The following TBC1D22A variants were observed in gnomAD, a reference collection of about 807,000 sequenced individuals.
The protein encoded by TBC1D22A is putative GTPase activator.
A neutral mutation model predicts 60.2 loss-of-function variants in TBC1D22A; 38 were observed. The ratio of observed to expected loss-of-function variants is 0.63; its 90% confidence interval spans 0.49 to 0.83. The LOEUF is 0.83. Ranked by LOEUF, TBC1D22A falls within the 40% of genes least tolerant of loss-of-function variation. TBC1D22A has a pLI of 0.00. For synonymous variants in TBC1D22A, 302 were observed against 281.7 expected, an observed-to-expected ratio of 1.07 and a Z score of -0.72; for missense variants, 628 against 701.0, an observed-to-expected ratio of 0.90 and a Z score of 1.18.
chr22:46,912,456 G>A (rs1421297805), intron 8 of TBC1D22A, among the ~76,000 whole-genome samples: 1 of 152,130 alleles, frequency 6.6e-6, no homozygotes, highest in Non-Finnish European at 1.5e-5. Flanking sequence ...TTTGGGGAGT[G>A]TAGTTTATTC....
rs887762945 is a variant in TBC1D22A, at chr22:46,985,019, G to A, written c.1125+10620G>A. On this transcript the variant is annotated intron_variant, in intron 9 of 12. Coordinates refer to ENST00000337137, the MANE Select transcript of TBC1D22A (RefSeq NM_014346.5). ...AGGGGGCCAGCCAAAGGCAGTTGAG[G>A]GGGGAGCCTCCGCCATGAGTTCAGG... Among the ~76,000 whole-genome samples, 6 of 152,326 alleles carry A rather than the reference G, an allele frequency of 3.9e-5. No individual in the cohort carries two copies. The East Asian group carries it at 9.6e-4, about 24-fold the overall frequency.
intron 11 of TBC1D22A, among the ~76,000 whole-genome samples, chr22:47,093,097 G>C (rs2065041196): frequency 6.6e-6 from 1 of 152,196 alleles, no homozygotes; most frequent in South Asian, 2.1e-4. Flanking sequence ...GTCTACTTGA[G>C]CTTGTATAAT....
At chr22:46,893,902 G>C (rs4823580) in intron 6 of TBC1D22A, among the ~76,000 whole-genome samples, 85,984 of 152,112 alleles carry the variant, frequency 0.57, 27,096 homozygotes, top group Middle Eastern at 0.79. Context: ...GTAACGTTTT[G>C]AGATACTTGG....
At chr22:46,873,695 C>A (rs2067399340) in intron 4 of TBC1D22A, among the ~76,000 whole-genome samples, 1 of 152,098 alleles carries the variant, frequency 6.6e-6, no homozygotes, top group South Asian at 2.1e-4. Flanking sequence ...GTAGGCCTCA[C>A]AACATGTGGT....
In TBC1D22A at chr22:47,151,837, C is replaced by T. The variant is rs543194642; in HGVS notation, c.1426-21661C>T. 3.7e-3 allele frequency among the ~76,000 whole-genome samples: 566 copies of T among 152,292 alleles called. 1 individual carries two copies. Among genetic ancestry groups the T allele is most frequent in the Non-Finnish European group, 6.1e-3 (416 of 68,010 alleles). On this transcript the variant is annotated intron_variant, in intron 12 of 12. Transcript: ENST00000337137. ...GGAAAGAGCAGCGTCACCCAGGGGA[C>T]GGGGAGGACCCCTTCGCGGTGTGGA... is the stretch of plus-strand genomic sequence containing the variant.
intron 1 of TBC1D22A, among the ~76,000 whole-genome samples, chr22:46,773,338 G>C (rs553243045): frequency 1.3e-5 from 2 of 152,222 alleles, no homozygotes; most frequent in Non-Finnish European, 2.9e-5. Context: ...GTCGGGGAGC[G>C]TGTCTGTGTG....
intron 8 of TBC1D22A, among the ~76,000 whole-genome samples, chr22:46,964,536 CT>C (rs1044138814): frequency 1.6e-4 from 24 of 152,098 alleles, no homozygotes; most frequent in African/African-American, 5.8e-4. Flanking sequence ...CAGAAGTATA[CT>C]GAAAAACATC....
chr22:46,881,728 G>C (rs2067861566), intron 5 of TBC1D22A, among the ~76,000 whole-genome samples: 1 of 152,292 alleles, frequency 6.6e-6, no homozygotes, highest in East Asian at 1.9e-4. Flanking sequence ...AGGCTACAGG[G>C]GTGGAGTAAG....
Position 47,028,606 on chromosome 22 carries a change from C to T in TBC1D22A, c.1202-8465C>T, listed in dbSNP as rs1310266992. ...CCCAGGAATGAATCTGGTATGACCT[C>T]TTCTGTCTCGCCTGCCTGTGCATAC... On this transcript the variant is annotated intron_variant, in intron 10 of 12. Coordinates refer to ENST00000337137, the MANE Select transcript of TBC1D22A (RefSeq NM_014346.5). The surrounding 1 kb of genome is among the most constrained non-coding windows in gnomAD (Gnocchi z 4.4). Among the ~76,000 whole-genome samples, 1 of 152,196 alleles carries T rather than the reference C, an allele frequency of 6.6e-6. No individual in the cohort carries two copies. The highest frequency in any genetic ancestry group is 1.9e-4 in the East Asian group (1 of 5,192).
At chr22:46,839,239 AATAGAATCAAAAAGAATGAAATATG>A in intron 4 of TBC1D22A, among the ~76,000 whole-genome samples, 1 of 144,438 alleles carries the variant, frequency 6.9e-6, no homozygotes, top group Admixed American at 7.0e-5. Context: ...CCCCATTTAC[AATAGAATCAAAAAGAATGAAATATG>A]ATACTTTGGT....
intron 4 of TBC1D22A, among the ~76,000 whole-genome samples, chr22:46,816,942 A>G (rs903154669): frequency 6.6e-6 from 1 of 152,164 alleles, no homozygotes; most frequent in African/African-American, 2.4e-5. Flanking sequence ...TAACATCTGA[A>G]TTCTCTCAGT....
intron 11 of TBC1D22A, among the ~76,000 whole-genome samples, chr22:47,094,301 G>A (rs2337228): frequency 0.46 from 69,360 of 152,076 alleles, 16,380 homozygotes; most frequent in East Asian, 0.58. Flanking sequence ...TCTGTGGGAC[G>A]ATTGGGTGGG....
intron 11 of TBC1D22A, among the ~76,000 whole-genome samples, chr22:47,052,847 C>G (rs73170409): frequency 6.6e-6 from 1 of 152,210 alleles, no homozygotes; most frequent in African/African-American, 2.4e-5. Context: ...CGGTGGTGCC[C>G]GTCTGTGTTG....
At chr22:47,172,068 T>TG (rs2068499669) in intron 12 of TBC1D22A, among the ~76,000 whole-genome samples, 1 of 114,908 alleles carries the variant, frequency 8.7e-6, no homozygotes, top group Non-Finnish European at 1.9e-5. Flanking sequence ...TACCCAGCAC[T>TG]CCCAGTGAGC....
chr22:46,998,580 T>G (rs2075201002), intron 10 of TBC1D22A, among the ~76,000 whole-genome samples: 1 of 152,254 alleles, frequency 6.6e-6, no homozygotes, highest in South Asian at 2.1e-4. Context: ...ACTGTGCCTT[T>G]TCCCCTCCCT....
chr22:46,886,151 T>G (rs6009020), intron 5 of TBC1D22A, among the ~76,000 whole-genome samples: 2,042 of 152,192 alleles, frequency 0.013, 59 homozygotes, highest in African/African-American at 0.047. Flanking sequence ...TGCCCGCCTC[T>G]GCCTCCCAAA....
chr22:46,973,255 AC>A (rs1302975937), intron 8 of TBC1D22A, among the ~76,000 whole-genome samples: 4 of 148,390 alleles, frequency 2.7e-5, no homozygotes, highest in African/African-American at 1.0e-4. Flanking sequence ...TGCATCTGGC[AC>A]CCCCCTCCCC....
intron 11 of TBC1D22A, among the ~76,000 whole-genome samples, chr22:47,062,922 A>G (rs949584663): frequency 4.7e-4 from 9 of 19,204 alleles, no homozygotes; most frequent in Admixed American, 6.6e-4. Flanking sequence ...CACCATGTGC[A>G]ACGAGTTAGT....
chr22:46,783,021 C>G (rs1260762053), intron 1 of TBC1D22A, among the ~76,000 whole-genome samples: 1 of 152,184 alleles, frequency 6.6e-6, no homozygotes, highest in Non-Finnish European at 1.5e-5. Context: ...CTTCTGAGGA[C>G]CTGCCAAACT....
Sources: gnomAD v4.1 joint callset for allele counts (sites outside exome capture counted in the v4.1 genomes callset) on GRCh38, gnomAD v4.1.1 for gene constraint, Gnocchi (gnomAD v3.1) non-coding constraint, MANE v1.5 for transcripts, NCBI Gene and HGNC (gene_info 2026-07-23, HGNC 2026-07-21) for gene names.